SUPT3H: variants seen among roughly 807,000 people sequenced by gnomAD.
The protein encoded by SUPT3H is SPT3 homolog, SAGA and STAGA complex component.
A neutral mutation model predicts 44.3 loss-of-function variants in SUPT3H; 44 were observed. That is an observed-to-expected ratio of 0.99 (90% confidence interval 0.78 to 1.28). SUPT3H has a LOEUF of 1.28. Ranked by LOEUF, SUPT3H falls within the 50% of genes most tolerant of loss-of-function variation. The pLI is 0.00. For synonymous variants in SUPT3H, 124 were observed against 125.6 expected (o/e 0.99, Z 0.09); for missense variants, 380 against 387.1 (o/e 0.98, Z 0.15).
At chr6:44,917,906 C>T (rs377457750) in intron 10 of SUPT3H, among the ~76,000 whole-genome samples, 1 of 151,584 alleles carries the variant, frequency 6.6e-6, no homozygotes, top group African/African-American at 2.4e-5. Context: ...GTACTTAAAA[C>T]CTACTTTAAA....
chr6:45,055,835 A>G (rs1253663036), intron 3 of SUPT3H, among the ~76,000 whole-genome samples: 1 of 152,188 alleles, frequency 6.6e-6, no homozygotes, highest in African/African-American at 2.4e-5. Context: ...GGACTTAATT[A>G]AGCCAAAAAG....
intron 2 of SUPT3H, among the ~76,000 whole-genome samples, chr6:45,334,163 T>A (rs1297106526): frequency 6.6e-6 from 1 of 151,158 alleles, no homozygotes; most frequent in Non-Finnish European, 1.5e-5. Flanking sequence ...TCTAAAAAGG[T>A]ATATCTAAAT....
At chr6:45,048,219 CTCTTTTTTTTTTTTTTTT>C (rs1189240691) in intron 3 of SUPT3H, among the ~76,000 whole-genome samples, 2 of 116,838 alleles carry the variant, frequency 1.7e-5, no homozygotes, top group Admixed American at 1.8e-4. Flanking sequence ...TGTCTCTCTA[CTCTTTTTTTTTTTTTTTT>C]TTTTTTTTTG....
intron 2 of SUPT3H, among the ~76,000 whole-genome samples, chr6:45,308,741 C>G (rs1014008266): frequency 1.4e-5 from 1 of 71,580 alleles, no homozygotes; most frequent in African/African-American, 5.7e-5. Flanking sequence ...TAAAGTATAA[C>G]AAAAAAAATA....
At chr6:45,121,522 G>T (rs576793281) in intron 2 of SUPT3H, among the ~76,000 whole-genome samples, 103 of 151,962 alleles carry the variant, frequency 6.8e-4, no homozygotes, top group Middle Eastern at 3.4e-3. Flanking sequence ...ATTATGTGGG[G>T]GGGGGGGTGG....
chr6:45,263,781 C>G (rs1774791916), intron 2 of SUPT3H, among the ~76,000 whole-genome samples: 1 of 152,164 alleles, frequency 6.6e-6, no homozygotes, highest in South Asian at 2.1e-4. Context: ...AGTCCCTTCT[C>G]ACCCCCCAAA....
At chr6:45,341,410 T>A (rs1442132681) in intron 2 of SUPT3H, among the ~76,000 whole-genome samples, 1 of 152,160 alleles carries the variant, frequency 6.6e-6, no homozygotes, top group Non-Finnish European at 1.5e-5. Flanking sequence ...GCACCTATAT[T>A]TAACTTGATA....
chr6:45,077,609 A>G (rs1398161208), intron 3 of SUPT3H, among the ~76,000 whole-genome samples: 2 of 105,012 alleles, frequency 1.9e-5, no homozygotes, highest in Non-Finnish European at 3.7e-5. Context: ...CCTAGGTGAC[A>G]GAGTGAGACC....
At chr6:44,888,349 T>C (rs1311057505) in intron 10 of SUPT3H, among the ~76,000 whole-genome samples, 1 of 152,036 alleles carries the variant, frequency 6.6e-6, no homozygotes, top group South Asian at 2.1e-4. Context: ...TGATGAACAT[T>C]GATGCAAAAA....
At chr6:45,138,657 G>C (rs773059790) in intron 2 of SUPT3H, among the ~76,000 whole-genome samples, 5 of 152,098 alleles carry the variant, frequency 3.3e-5, no homozygotes, top group Non-Finnish European at 7.4e-5. Context: ...GAAATGCCCA[G>C]AAGAGGCAAA....
intron 3 of SUPT3H, among the ~76,000 whole-genome samples, chr6:45,056,541 G>A (rs1258710305): frequency 6.6e-6 from 1 of 152,120 alleles, no homozygotes; most frequent in African/African-American, 2.4e-5. Flanking sequence ...TGCATTATTT[G>A]CATTTGCAGC....
intron 10 of SUPT3H, among the ~76,000 whole-genome samples, chr6:44,852,387 T>C (rs1262868199): frequency 1.3e-5 from 2 of 152,130 alleles, no homozygotes; most frequent in Non-Finnish European, 2.9e-5. Context: ...TGTGAACATA[T>C]AATATGGCAC....
In SUPT3H at chr6:45,005,171, GA is replaced by G. The variant is rs146877914; in HGVS notation, c.365-1380del. On this transcript the variant is annotated intron_variant, in intron 5 of 10. Coordinates refer to ENST00000371459, the MANE Select transcript of SUPT3H (RefSeq NM_003599.4). Reference sequence around the variant, plus strand: ...TGAGGAATGCCTTGTCTCTCCATGAGAAAAGCCTAATAAATGTAAAGTGATA... The same window carrying G: ...TGAGGAATGCCTTGTCTCTCCATGAGAAAGCCTAATAAATGTAAAGTGATA... 7.1e-3 allele frequency among the ~76,000 whole-genome samples: 1,077 copies of G among 152,216 alleles called. 19 individuals carry two copies. The highest frequency in any genetic ancestry group is 0.025 in the African/African-American group (1,023 of 41,528).
chr6:44,832,355 C>G (rs917604192), intron 10 of SUPT3H, among the ~76,000 whole-genome samples: 1 of 152,114 alleles, frequency 6.6e-6, no homozygotes, highest in East Asian at 1.9e-4. Context: ...TCTGTCAGAC[C>G]CTATGAATGA....
chr6:45,019,670 C>A (rs1784830960), intron 4 of SUPT3H, among the ~76,000 whole-genome samples: 1 of 151,892 alleles, frequency 6.6e-6, no homozygotes. Flanking sequence ...TTGATATCTT[C>A]AATAGTTTCT....
chr6:45,176,065 G>T (rs909378720), intron 2 of SUPT3H, among the ~76,000 whole-genome samples: 15 of 152,138 alleles, frequency 9.9e-5, no homozygotes, highest in African/African-American at 3.6e-4. Context: ...TATCTTGGGG[G>T]GAGGAGCCAA....
chr6:45,032,632 A>T (rs376478704), intron 3 of SUPT3H, among the ~76,000 whole-genome samples: 1 of 152,196 alleles, frequency 6.6e-6, no homozygotes, highest in Non-Finnish European at 1.5e-5. Flanking sequence ...ACACTCATAC[A>T]GTTACATTCT....
chr6:45,373,257 T>A (rs1309699173), intron 1 of SUPT3H, among the ~76,000 whole-genome samples: 1 of 152,062 alleles, frequency 6.6e-6, no homozygotes, highest in Non-Finnish European at 1.5e-5. Flanking sequence ...ATTTTCATGT[T>A]CATTATCTTA....
chr6:44,874,775 C>T (rs1776968003), intron 10 of SUPT3H, among the ~76,000 whole-genome samples: 1 of 118,008 alleles, frequency 8.5e-6, no homozygotes, highest in Non-Finnish European at 1.7e-5. Flanking sequence ...CCAAAATCTC[C>T]TTAAGCTGAT....
Sources: gnomAD v4.1 joint callset for allele counts (sites outside exome capture counted in the v4.1 genomes callset) on GRCh38, gnomAD v4.1.1 for gene constraint, MANE v1.5 for transcripts, NCBI Gene and HGNC (gene_info 2026-07-23, HGNC 2026-07-21) for gene names.